CHEK1: variants seen among roughly 807,000 people sequenced by gnomAD.
CHEK1 encodes the protein serine/threonine-protein kinase Chk1.
A neutral mutation model predicts 60.2 loss-of-function variants in CHEK1; 32 were observed. That is an observed-to-expected ratio of 0.53 (90% CI 0.40 to 0.71). The LOEUF is 0.71. Among genes scored for constraint, CHEK1 ranks in the 30% least tolerant of loss-of-function variants. The pLI is 0.00. For missense variants in CHEK1, 399 were observed against 564.6 expected (o/e 0.71, Z 2.97); for synonymous variants, 179 against 187.2 (o/e 0.96, Z 0.36).
Position 125,625,785 on chromosome 11 carries a change from C to T in CHEK1, c.-248C>T, listed in dbSNP as rs1391215861. 1.4e-6 allele frequency: 1 copy of T among 698,272 alleles called. No individual in the cohort carries two copies. The highest frequency in any genetic ancestry group is 2.6e-6 in the Non-Finnish European group (1 of 381,420). 43.3% of individuals were successfully genotyped at this position (698,272 alleles called of 1,614,324 possible). A position where few individuals can be genotyped will look rare whatever the true frequency, so the allele number is the denominator to read the frequency against. ...GATGCGGTCCGCCGTCCTTAAATCTCTTCAGCCAGGATCTCTCCCCGACTG... is the reference window on the plus strand; with the variant it reads ...GATGCGGTCCGCCGTCCTTAAATCTTTTCAGCCAGGATCTCTCCCCGACTG... On this transcript the variant is annotated 5_prime_UTR_variant, in exon 1 of 13. Coordinates refer to ENST00000438015, the MANE Select transcript of CHEK1 (RefSeq NM_001114122.3).
intron 6 of CHEK1, among the ~76,000 whole-genome samples, chr11:125,634,500 GT>G (rs201651434): frequency 6.6e-6 from 1 of 150,836 alleles, no homozygotes; most frequent in Admixed American, 6.6e-5. Flanking sequence ...TTTGTTGTGG[GT>G]TTTTTTTCAC....
At chr11:125,664,765 G>A (rs1225392662) in intron 13 of CHEK1, among the ~76,000 whole-genome samples, 1 of 152,036 alleles carries the variant, frequency 6.6e-6, no homozygotes. Flanking sequence ...GTGCAGAAAT[G>A]TTTTAACTTG....
At chr11:125,679,187 A>AGT (rs1454671208), downstream of CHEK1, among the ~76,000 whole-genome samples, 3 of 144,540 alleles carry the variant, frequency 2.1e-5, no homozygotes, top group Non-Finnish European at 4.5e-5. Flanking sequence ...TTTTCTGGCC[A>AGT]GTCTCTTCTA....
In CHEK1 at chr11:125,653,635, G is replaced by A. The variant is rs1337536957; in HGVS notation, c.1234-111G>A. ...AGTAGTGGGATTGCTGGAACATATA[G>A]GTAGTTTTATTTGTAGTTTTTTGAG... is the stretch of plus-strand genomic sequence containing the variant. On this transcript the variant is annotated intron_variant, in intron 11 of 12. Coordinates refer to ENST00000438015, the MANE Select transcript of CHEK1 (RefSeq NM_001114122.3). This position sits in a 1 kb window ranked among gnomAD's most constrained non-coding sequence, Gnocchi z 4.3. 1 of 657,030 alleles carries A rather than the reference G, an allele frequency of 1.5e-6. No homozygotes were observed. Among genetic ancestry groups the A allele is most frequent in the African/African-American group, 1.9e-5 (1 of 52,744 alleles). 40.7% of individuals were successfully genotyped at this position (657,030 alleles called of 1,614,324 possible). A position where few individuals can be genotyped will look rare whatever the true frequency, so the allele number is the denominator to read the frequency against.
At chr11:125,672,585 C>T (rs754393224) in intron 13 of CHEK1, 3 of 1,613,608 alleles carry the variant, frequency 1.9e-6, no homozygotes, top group South Asian at 1.1e-5. Context: ...AAGCAAGGGC[C>T]CAGGCTTCTA....
chr11:125,633,285 G>C lies in CHEK1; in HGVS notation c.547G>C (p.Glu183Gln). ...TGCTCCAGAACTTCTGAAGAGAAGA[G>C]AATTTCATGCAGAACCAGTTGATGT... ...YVAPELLKRR[E>Q]FHAEPVDVWS... The change falls in exon 6 of 13, where the codon GAA becomes CAA. Residue 183 changes from glutamate to glutamine, a missense_variant. By Grantham distance (29) the Glu-to-Gln change is conservative. Transcript: ENST00000438015. The C allele has an allele frequency of 6.2e-7, 1 of 1,607,276 alleles. No homozygotes were observed.
intron 8 of CHEK1, 96 bp downstream of exon 8, chr11:125,637,640 A>C: frequency 1.4e-6 from 1 of 709,296 alleles, no homozygotes; most frequent in Non-Finnish European, 2.3e-6. Context: ...GATAGCTATG[A>C]TCTCTGTCCT....
In CHEK1 at chr11:125,629,423, G is replaced by A. The variant is rs114850047; in HGVS notation, c.387G>A (p.Arg129=). Residue 129 remains arginine, a synonymous_variant, in exon 5 of 13, where the codon AGG becomes AGA. Transcript: ENST00000438015. ...TGCATGGTATTGGAATAACTCACAG[G>A]GATATTAAACCAGAAAATCTTCTGT... The part of the protein sequence containing the change: ...VYLHGIGITH[R]DIKPENLLLD... 85 of 1,613,434 alleles carry A rather than the reference G, an allele frequency of 5.3e-5. No homozygotes were observed. In the African/African-American group the frequency reaches 1.1e-3, roughly 20 times the overall value.
chr11:125,667,676 A>G (rs1942124304), intron 13 of CHEK1, among the ~76,000 whole-genome samples: 1 of 152,158 alleles, frequency 6.6e-6, no homozygotes, highest in African/African-American at 2.4e-5. Flanking sequence ...GCTGGAGGGC[A>G]GTGGCACGAT....
downstream of CHEK1, among the ~76,000 whole-genome samples, chr11:125,659,571 AT>A (rs1015679998): frequency 1.9e-4 from 29 of 152,044 alleles, 1 homozygote; most frequent in African/African-American, 6.5e-4. Context: ...ACTTTTTTCT[AT>A]ATTTTTACAT....
chr11:125,630,531 G>A (rs186566165), intron 5 of CHEK1, among the ~76,000 whole-genome samples: 8 of 151,934 alleles, frequency 5.3e-5, no homozygotes, highest in Admixed American at 6.6e-5. Flanking sequence ...GGCTGGTCTC[G>A]AGCTCCTGGC....
At position 125,653,994 on chromosome 11, in the gene CHEK1, A is replaced by G. The variant is rs563399199; in HGVS notation, c.1335+147A>G. ...TTATGAGCATGTGTTTTCGTTATCT[A>G]TTTTTCCCGAACATTGTTTTTTTCA... On this transcript the variant is annotated intron_variant, in intron 12 of 12. Coordinates refer to ENST00000438015, the MANE Select transcript of CHEK1 (RefSeq NM_001114122.3). This position sits in a 1 kb window ranked among gnomAD's most constrained non-coding sequence, Gnocchi z 4.3. 1.2e-5 allele frequency: 6 copies of G among 507,770 alleles called. No individual in the cohort carries two copies. The highest frequency in any genetic ancestry group is 3.5e-5 in the East Asian group (1 of 28,424). 31.5% of individuals were successfully genotyped at this position (507,770 alleles called of 1,614,324 possible). A position where few individuals can be genotyped will look rare whatever the true frequency, so the allele number is the denominator to read the frequency against.
intron 13 of CHEK1, among the ~76,000 whole-genome samples, chr11:125,668,368 C>T (rs966314138): frequency 6.6e-6 from 1 of 152,144 alleles, no homozygotes. Context: ...CATGTTCTCA[C>T]ATTATTGGGT....
downstream of CHEK1, among the ~76,000 whole-genome samples, chr11:125,661,750 T>C (rs1942021236): frequency 6.6e-6 from 1 of 152,200 alleles, no homozygotes; most frequent in Non-Finnish European, 1.5e-5. Flanking sequence ...TCTTGTCCTC[T>C]TTCTGACAAT....
intron 11 of CHEK1, among the ~76,000 whole-genome samples, chr11:125,651,115 C>G (rs1941710430): frequency 6.6e-6 from 1 of 152,028 alleles, no homozygotes; most frequent in Non-Finnish European, 1.5e-5. Flanking sequence ...ATCTCACTCC[C>G]TAACCTCTTC....
chr11:125,670,781 A>G (rs1942186887), intron 13 of CHEK1, among the ~76,000 whole-genome samples: 1 of 152,196 alleles, frequency 6.6e-6, no homozygotes, highest in Non-Finnish European at 1.5e-5. Flanking sequence ...CCTCCAGCAT[A>G]AGCTCACAAA....
chr11:125,632,864 C>T (rs1473267177), intron 5 of CHEK1, among the ~76,000 whole-genome samples: 2 of 152,146 alleles, frequency 1.3e-5, no homozygotes, highest in South Asian at 2.1e-4. Context: ...TGCTCTTTTC[C>T]AGAAGGGCAG....
chr11:125,651,907 C>A (rs1453260398), intron 11 of CHEK1, among the ~76,000 whole-genome samples: 1 of 152,182 alleles, frequency 6.6e-6, no homozygotes, highest in Non-Finnish European at 1.5e-5. Flanking sequence ...TTCTGGAGTT[C>A]TTTTCTCTGC....
chr11:125,644,267 AGGTGAG>A lies in CHEK1; in HGVS notation c.1101+2_1101+7del. On this transcript the variant is annotated splice_donor_variant and splice_donor_5th_base_variant and coding_sequence_variant and intron_variant, in exon 10 of 13. Transcript: ENST00000438015. LOFTEE classifies it high-confidence loss of function. ...TTACTTGGCACCCCAGGATCCTCAC[AGGTGAG>A]GGAATTTAATTTTTTAAAAGTAATG... is the stretch of plus-strand genomic sequence containing the variant. 1 of 1,599,040 alleles carries A rather than the reference AGGTGAG, an allele frequency of 6.3e-7. No homozygotes were observed. Among genetic ancestry groups the A allele is most frequent in the Non-Finnish European group, 8.5e-7 (1 of 1,176,296 alleles).
Sources: gnomAD v4.1 joint callset for allele counts (sites outside exome capture counted in the v4.1 genomes callset) on GRCh38, gnomAD v4.1.1 for gene constraint, Gnocchi (gnomAD v3.1) non-coding constraint, MANE v1.5 for transcripts, NCBI Gene and HGNC (gene_info 2026-07-23, HGNC 2026-07-21) for gene names.